The following BAZ2B variants were observed in gnomAD, a reference collection of about 807,000 sequenced individuals.
BAZ2B encodes bromodomain adjacent to zinc finger domain protein 2B.
BAZ2B carries 91 observed loss-of-function variants against 246.0 expected under a neutral mutation model. The observed-to-expected ratio is 0.37, with a 90% confidence interval of 0.31 to 0.44. The LOEUF is 0.44. Ranked by LOEUF, BAZ2B falls within the 20% of genes least tolerant of loss-of-function variation. The probability of loss-of-function intolerance (pLI) is 1.00; values close to 1 mark genes in which losing one functional copy is unlikely to be tolerated. For missense variants in BAZ2B, 2,332 were observed against 2,533.7 expected, an observed-to-expected ratio of 0.92 and a Z score of 1.71; for synonymous variants, 855 against 860.0, an observed-to-expected ratio of 0.99 and a Z score of 0.10.
intron 2 of BAZ2B, among the ~76,000 whole-genome samples, chr2:159,506,844 AAGG>A (rs150224797): frequency 1.4e-3 from 215 of 152,264 alleles, no homozygotes; most frequent in African/African-American, 5.0e-3. Flanking sequence ...CCTAGAGTGA[AAGG>A]AGGATAAGAA....
At chr2:159,348,370 T>C (rs2058194029) in intron 30 of BAZ2B, among the ~76,000 whole-genome samples, 1 of 150,322 alleles carries the variant, frequency 6.7e-6, no homozygotes, top group South Asian at 2.1e-4. Flanking sequence ...ATGTAATCTA[T>C]GTACATCCTC....
At chr2:159,428,188 A>G in intron 12 of BAZ2B, 123 bp downstream of exon 12, 2 of 1,084,484 alleles carry the variant, frequency 1.8e-6, no homozygotes, top group Non-Finnish European at 2.7e-6. Context: ...TAAGTACAAT[A>G]GTCCCATACA....
At chr2:159,429,026 TCA>T (rs1418146237) in intron 11 of BAZ2B, among the ~76,000 whole-genome samples, 172 bp downstream of exon 11, 1 of 152,124 alleles carries the variant, frequency 6.6e-6, no homozygotes, top group Non-Finnish European at 1.5e-5. Context: ...AGGATTAATT[TCA>T]GTTTTCTGAT....
intron 1 of BAZ2B, among the ~76,000 whole-genome samples, chr2:159,591,792 T>C (rs1578720048): frequency 6.6e-6 from 1 of 152,338 alleles, no homozygotes; most frequent in East Asian, 1.9e-4. Flanking sequence ...CTTTAAGTAA[T>C]GCTTTTTTAA....
At chr2:159,578,239 AT>A (rs34347862) in intron 1 of BAZ2B, among the ~76,000 whole-genome samples, 9,948 of 152,282 alleles carry the variant, frequency 0.065, 423 homozygotes, top group Middle Eastern at 0.19. Flanking sequence ...TCTTAATTTT[AT>A]AAGTAAAACA....
At chr2:159,373,983 G>A (rs904987353) in intron 26 of BAZ2B, among the ~76,000 whole-genome samples, 7 of 151,712 alleles carry the variant, frequency 4.6e-5, no homozygotes, top group Non-Finnish European at 1.0e-4. Context: ...CAGGCATCTC[G>A]TAATACCTTT....
chr2:159,357,203 C>A (rs1357086596), intron 27 of BAZ2B, among the ~76,000 whole-genome samples: 1 of 151,852 alleles, frequency 6.6e-6, no homozygotes, highest in African/African-American at 2.4e-5. Flanking sequence ...TGTTCTAACC[C>A]AATGCGATGA....
At chr2:159,709,219 C>A in the BAZ2B span, among the ~76,000 whole-genome samples, 1 of 149,664 alleles carries the variant, frequency 6.7e-6, no homozygotes, top group Admixed American at 6.7e-5. Context: ...ACTGGGAGGC[C>A]GAGGCAGGCA....
At chr2:159,702,480 T>A in the BAZ2B span, among the ~76,000 whole-genome samples, 1 of 152,144 alleles carries the variant, frequency 6.6e-6, no homozygotes, top group Non-Finnish European at 1.5e-5. Flanking sequence ...TCTTAATACA[T>A]CCCATTAAAG....
At chr2:159,698,198 C>A in the BAZ2B span, among the ~76,000 whole-genome samples, 3 of 152,010 alleles carry the variant, frequency 2.0e-5, no homozygotes, top group South Asian at 4.2e-4. Context: ...AAGAGTTTTC[C>A]ACGAATCTAC....
intron 8 of BAZ2B, 41 bp downstream of exon 8, chr2:159,438,262 C>T (rs2072778970): frequency 6.5e-7 from 1 of 1,539,284 alleles, no homozygotes. Context: ...CTCTATCTTT[C>T]TCTAATAGTA....
intron 2 of BAZ2B, among the ~76,000 whole-genome samples, chr2:159,498,265 G>C (rs1016671943): frequency 4.6e-5 from 7 of 152,000 alleles, no homozygotes; most frequent in African/African-American, 1.7e-4. Flanking sequence ...TATGATATAA[G>C]GGTAAAAAAA....
intron 27 of BAZ2B, among the ~76,000 whole-genome samples, chr2:159,368,054 G>A (rs755811093): frequency 1.3e-5 from 2 of 152,124 alleles, no homozygotes; most frequent in Non-Finnish European, 2.9e-5. Flanking sequence ...ACACTTGTAT[G>A]TTCTCTTTGT....
rs527501754 is a variant in BAZ2B, at chr2:159,602,993, C to T, written c.-46+13249G>A. 2.2e-4 allele frequency among the ~76,000 whole-genome samples: 34 copies of T among 152,116 alleles called. 2 individuals are homozygous for T. The highest frequency in any genetic ancestry group is 1.7e-3 in the Admixed American group (26 of 15,258). ...GTCTAATAAAAATACAAAAATTAGC[C>T]GGGCATGGTGGCATGTGCCACTAGT... On this transcript the variant is annotated intron_variant, in intron 1 of 36. Transcript: ENST00000392783.
intron 3 of BAZ2B, among the ~76,000 whole-genome samples, chr2:159,467,944 C>T (rs2077287087): frequency 6.6e-6 from 1 of 152,138 alleles, no homozygotes; most frequent in African/African-American, 2.4e-5. Context: ...ACTAAAGGTG[C>T]AAGAGGTCAG....
the BAZ2B span, among the ~76,000 whole-genome samples, chr2:159,687,576 A>C: frequency 6.6e-6 from 1 of 152,222 alleles, no homozygotes; most frequent in African/African-American, 2.4e-5. Context: ...TGGAGACAGA[A>C]GCTCCTGTAC....
At chr2:159,436,240 T>A (rs953811529) in intron 8 of BAZ2B, among the ~76,000 whole-genome samples, 1 of 152,200 alleles carries the variant, frequency 6.6e-6, no homozygotes, top group Non-Finnish European at 1.5e-5. Flanking sequence ...TGTATTTTAA[T>A]TTTCTGCAAC....
At chr2:159,397,293 G>A (rs148619656) in intron 19 of BAZ2B, 52 bp downstream of exon 19, 1 of 1,374,570 alleles carries the variant, frequency 7.3e-7, no homozygotes, top group East Asian at 2.3e-5. Flanking sequence ...ATAGGTTTAA[G>A]CAATATTATA....
intron 34 of BAZ2B, among the ~76,000 whole-genome samples, chr2:159,328,450 ATGCT>A (rs965182440): frequency 6.6e-6 from 1 of 152,220 alleles, no homozygotes; most frequent in African/African-American, 2.4e-5. Context: ...GGTTCATATA[ATGCT>A]TGTAAAAATT....
Sources: allele counts gnomAD v4.1 joint callset (sites outside exome capture counted in the v4.1 genomes callset), GRCh38; gene constraint gnomAD v4.1.1; transcripts MANE v1.5; gene names NCBI Gene and HGNC (gene_info 2026-07-23, HGNC 2026-07-21).